IL13RA1: variants seen among roughly 807,000 people sequenced by gnomAD.
IL13RA1 encodes interleukin-13 receptor subunit alpha-1.
IL13RA1 carries 14 observed loss-of-function variants against 33.8 expected under a neutral mutation model. That is an observed-to-expected ratio of 0.41 (90% CI 0.27 to 0.65). IL13RA1 has a LOEUF of 0.65. Ranked by LOEUF, IL13RA1 falls within the 30% of genes least tolerant of loss-of-function variation. The pLI is 0.28. For synonymous variants in IL13RA1, 116 were observed against 115.7 expected (o/e 1.00, Z -0.02); for missense variants, 313 against 327.0 (o/e 0.96, Z 0.33).
chrX:118,734,796 G>A (rs1200600440), intron 1 of IL13RA1, among the ~76,000 whole-genome samples: 1 of 111,658 alleles, frequency 9.0e-6, no homozygotes, highest in African/African-American at 3.3e-5. Flanking sequence ...TAGCGTCTTT[G>A]TCTGGCTTTG....
intron 8 of IL13RA1, among the ~76,000 whole-genome samples, chrX:118,768,090 AG>A (rs35579101): frequency 8.9e-6 from 1 of 111,994 alleles, no homozygotes; most frequent in Admixed American, 9.5e-5. Flanking sequence ...AGGTACAAGA[AG>A]GAATAGGCTT....
downstream of IL13RA1, among the ~76,000 whole-genome samples, chrX:118,795,198 C>T (rs1394084763): frequency 1.3e-5 from 1 of 78,333 alleles, no homozygotes. Flanking sequence ...GGCAACAGAG[C>T]GAGACTCCGT....
At chrX:118,775,018 T>C (rs777273366) in intron 9 of IL13RA1, among the ~76,000 whole-genome samples, 1 of 110,079 alleles carries the variant, frequency 9.1e-6, no homozygotes, top group African/African-American at 3.3e-5. Flanking sequence ...CACATGCACA[T>C]ACACACACAC....
chrX:118,737,773 A>G (rs1036745006), intron 1 of IL13RA1, among the ~76,000 whole-genome samples: 5 of 112,137 alleles, frequency 4.5e-5, no homozygotes, highest in African/African-American at 1.3e-4. Context: ...ACAAATAGGT[A>G]TATTTTTATT....
chrX:118,795,092 G>A (rs76409245), downstream of IL13RA1, among the ~76,000 whole-genome samples: 7,156 of 107,303 alleles, frequency 0.067, 644 homozygotes, highest in African/African-American at 0.23. Context: ...GTGTAGTGGC[G>A]GGCGACTGTG....
chrX:118,780,474 T>C (rs1021352971), intron 10 of IL13RA1, among the ~76,000 whole-genome samples: 1 of 112,681 alleles, frequency 8.9e-6, no homozygotes, highest in Non-Finnish European at 1.9e-5. Flanking sequence ...TGAAACTGGG[T>C]AATTTATAAA....
chrX:118,770,810 A>G, intron 8 of IL13RA1: 2 of 305,494 alleles, frequency 6.5e-6, no homozygotes, highest in Non-Finnish European at 1.3e-5. Context: ...CTGGTCATCT[A>G]CATTAGCTAC....
rs1569459347 is a variant in IL13RA1, at chrX:118,784,087, A to AT, written c.1191+7576_1191+7577insT. 3.8e-3 allele frequency among the ~76,000 whole-genome samples: 243 copies of AT among 63,631 alleles called. 3 individuals are homozygous for AT. Among genetic ancestry groups the AT allele is most frequent in the African/African-American group, 0.016 (231 of 14,666 alleles). 55.3% of individuals were successfully genotyped at this position (63,631 alleles called of 115,157 possible). ...ATGAGACTCTGTCGCCAAAAAAAAA[A>AT]AAAATATATATATATATATATACGT... On this transcript the variant is annotated intron_variant, in intron 10 of 10. Transcript: ENST00000371666.
At chrX:118,759,689 T>C (rs1214064582) in intron 5 of IL13RA1, among the ~76,000 whole-genome samples, 1 of 112,737 alleles carries the variant, frequency 8.9e-6, no homozygotes, top group African/African-American at 3.2e-5. Flanking sequence ...TTTCTGTTAA[T>C]TACCCATTAT....
chrX:118,747,583 G>A (rs1171245041), intron 3 of IL13RA1, among the ~76,000 whole-genome samples: 1 of 111,449 alleles, frequency 9.0e-6, no homozygotes, highest in Non-Finnish European at 1.9e-5. Context: ...AGTTTGATAT[G>A]CAGGATATAT....
At chrX:118,789,468 G>A (rs138069054) in intron 10 of IL13RA1, among the ~76,000 whole-genome samples, 1,797 of 111,845 alleles carry the variant, frequency 0.016, 20 homozygotes, top group Non-Finnish European at 0.022. Context: ...AGAAAAGAGC[G>A]TCTTAATTTT....
chrX:118,801,620 T>A, the IL13RA1 span, among the ~76,000 whole-genome samples: 1 of 112,391 alleles, frequency 8.9e-6, no homozygotes, highest in Non-Finnish European at 1.9e-5. Context: ...TCAGTCCTCA[T>A]CTGTAAAATG....
intron 2 of IL13RA1, among the ~76,000 whole-genome samples, chrX:118,744,137 CTG>C (rs1333788369): frequency 9.1e-6 from 1 of 109,926 alleles, no homozygotes; most frequent in African/African-American, 3.3e-5. Context: ...CAGAGCAAGA[CTG>C]TTTAAAAAAA....
In IL13RA1 at chrX:118,780,898, T is replaced by G. The variant is rs144924407; in HGVS notation, c.1191+4387T>G. Among the ~76,000 whole-genome samples, 39 of 112,191 alleles carry G rather than the reference T, an allele frequency of 3.5e-4. No individual in the cohort carries two copies. In the East Asian group the frequency reaches 0.01, roughly 29 times the overall value. ...CAACTTCCAATCCAAATAAATAATCTTGTCCTTTTTTAAACACTGTCTTCT... is the reference window on the plus strand; with the variant it reads ...CAACTTCCAATCCAAATAAATAATCGTGTCCTTTTTTAAACACTGTCTTCT... On this transcript the variant is annotated intron_variant, in intron 10 of 10. Transcript: ENST00000371666.
rs988586461 is a variant in IL13RA1 at position 118,793,616 on chromosome X, C to A, written c.*1762C>A. 2 of 112,112 alleles carry A rather than the reference C, an allele frequency of 1.8e-5. No homozygotes were observed. Among genetic ancestry groups the A allele is most frequent in the African/African-American group, 3.2e-5 (1 of 30,835 alleles). 9.2% of individuals were successfully genotyped at this position (112,112 alleles called of 1,213,427 possible). On this transcript the variant is annotated 3_prime_UTR_variant, in exon 11 of 11. Transcript: ENST00000371666. ...GGCATTTCCCCCACCCCATTTCTCT[C>A]CTCACACACAGACTCATATTACTGG... is the stretch of plus-strand genomic sequence containing the variant.
intron 1 of IL13RA1, among the ~76,000 whole-genome samples, chrX:118,730,300 CAAAA>C (rs759695528): frequency 5.4e-5 from 6 of 111,609 alleles, no homozygotes; most frequent in Non-Finnish European, 1.1e-4. Flanking sequence ...TGTCTCAAAA[CAAAA>C]AAAGAAGCGA....
chrX:118,767,210 A>G (rs2017659030), intron 8 of IL13RA1, among the ~76,000 whole-genome samples: 1 of 111,883 alleles, frequency 8.9e-6, no homozygotes, highest in Non-Finnish European at 1.9e-5. Context: ...TTTCTATCTC[A>G]TTTCCATTTT....
At chrX:118,731,255 A>G (rs1168330233) in intron 1 of IL13RA1, among the ~76,000 whole-genome samples, 1 of 111,679 alleles carries the variant, frequency 9.0e-6, no homozygotes, top group Non-Finnish European at 1.9e-5. Context: ...CTCAAAGGCC[A>G]GGGACACATA....
At chrX:118,751,648 A>G (rs1251274786) in intron 4 of IL13RA1, among the ~76,000 whole-genome samples, 1 of 110,073 alleles carries the variant, frequency 9.1e-6, no homozygotes, top group Non-Finnish European at 1.9e-5. Flanking sequence ...GGAGGTATTT[A>G]ATCGTTGTGA....
Sources: allele counts gnomAD v4.1 joint callset (sites outside exome capture counted in the v4.1 genomes callset), GRCh38; gene constraint gnomAD v4.1.1; transcripts MANE v1.5; gene names NCBI Gene and HGNC (gene_info 2026-07-23, HGNC 2026-07-21).